The following SHANK2 variants were observed in gnomAD, a reference collection of about 807,000 sequenced individuals.
SHANK2 encodes the protein SH3 and multiple ankyrin repeat domains 2.
In SHANK2, 43 loss-of-function variants were observed where a neutral mutation model predicts 133.7. The ratio of observed to expected loss-of-function variants is 0.32; its 90% CI spans 0.25 to 0.41. The LOEUF (loss-of-function observed/expected upper bound fraction) is 0.41. SHANK2 is among the 10% of genes least tolerant of loss of function. The probability of loss-of-function intolerance (pLI) is 1.00; values close to 1 mark genes in which losing one functional copy is unlikely to be tolerated. For synonymous variants in SHANK2, 1,017 were observed against 952.8 expected, an observed-to-expected ratio of 1.07 and a Z score of -1.24; for missense variants, 1,994 against 2,235.8, an observed-to-expected ratio of 0.89 and a Z score of 2.18.
At chr11:71,146,228 G>A (rs1169991427) in intron 3 of SHANK2, among the ~76,000 whole-genome samples, 5 of 152,316 alleles carry the variant, frequency 3.3e-5, no homozygotes, top group Admixed American at 6.5e-5. Flanking sequence ...CACAGTCCCC[G>A]CCGTGAGCAA....
intron 17 of SHANK2, among the ~76,000 whole-genome samples, chr11:70,632,952 G>A (rs1445388356): frequency 6.6e-6 from 1 of 152,002 alleles, no homozygotes; most frequent in African/African-American, 2.4e-5. Context: ...CTTGCATGGA[G>A]CGTTGATGGA....
intron 2 of SHANK2, among the ~76,000 whole-genome samples, chr11:71,219,670 C>G (rs1385681213): frequency 2.0e-5 from 3 of 150,716 alleles, no homozygotes; most frequent in Non-Finnish European, 4.4e-5. Context: ...GTGGGCAGAT[C>G]AGCTGAGGTC....
At chr11:70,822,851 G>A (rs1351982487) in intron 11 of SHANK2, among the ~76,000 whole-genome samples, 1 of 104,356 alleles carries the variant, frequency 9.6e-6, no homozygotes, top group Non-Finnish European at 1.9e-5. Context: ...CAGAGGTGGC[G>A]TTGGCAGAGG....
At chr11:70,936,353 A>T (rs1253533480) in intron 10 of SHANK2, among the ~76,000 whole-genome samples, 1 of 152,064 alleles carries the variant, frequency 6.6e-6, no homozygotes, top group Non-Finnish European at 1.5e-5. Context: ...CTCTACTAAA[A>T]ATATAAAAAT....
intron 14 of SHANK2, among the ~76,000 whole-genome samples, chr11:70,727,973 G>C (rs1438330246): frequency 6.6e-6 from 1 of 152,254 alleles, no homozygotes; most frequent in East Asian, 1.9e-4. Flanking sequence ...ACATTTTTCA[G>C]AAGTTATTTA....
At chr11:70,498,394 G>C (rs1316439243) in intron 21 of SHANK2, among the ~76,000 whole-genome samples, 2 of 152,236 alleles carry the variant, frequency 1.3e-5, no homozygotes, top group Non-Finnish European at 2.9e-5. Flanking sequence ...CTTGGACCCT[G>C]GTGGACTGGT....
Position 70,804,015 on chromosome 11 carries a change from GC to G in SHANK2, c.1663+2986del, listed in dbSNP as rs1203499901. Among the ~76,000 whole-genome samples, 5 of 152,104 alleles carry G rather than the reference GC, an allele frequency of 3.3e-5. No homozygotes were observed. Among genetic ancestry groups the G allele is most frequent in the African/African-American group, 1.2e-4 (5 of 41,434 alleles). ...TAACCTTCTGAAAGAGCCAGGAGCAGCAGTGTTATCAGCAGGACCCCAGGGC... is the reference window on the plus strand; with the variant it reads ...TAACCTTCTGAAAGAGCCAGGAGCAGAGTGTTATCAGCAGGACCCCAGGGC... On this transcript the variant is annotated intron_variant, in intron 13 of 25. Coordinates refer to ENST00000601538, the MANE Select transcript of SHANK2 (RefSeq NM_012309.5). The surrounding 1 kb of genome is among the most constrained non-coding windows in gnomAD (Gnocchi z 4.1).
chr11:71,074,639 A>C (rs1025594985), intron 9 of SHANK2, among the ~76,000 whole-genome samples: 9 of 152,310 alleles, frequency 5.9e-5, no homozygotes, highest in Admixed American at 2.0e-4. Context: ...CAAGCTAGCA[A>C]AGTTTCATCT....
At chr11:70,754,103 C>T (rs1266085033) in intron 14 of SHANK2, among the ~76,000 whole-genome samples, 6 of 152,210 alleles carry the variant, frequency 3.9e-5, no homozygotes, top group Non-Finnish European at 4.4e-5. Flanking sequence ...TGAGCCACTA[C>T]GCCTGACAAT....
intron 17 of SHANK2, among the ~76,000 whole-genome samples, chr11:70,553,072 T>C (rs2059789943): frequency 6.6e-6 from 1 of 152,082 alleles, no homozygotes; most frequent in African/African-American, 2.4e-5. Flanking sequence ...CCCCCTCTAA[T>C]GGCCTCATTT....
chr11:71,204,474 C>A (rs7484116), intron 2 of SHANK2, among the ~76,000 whole-genome samples: 38,709 of 152,000 alleles, frequency 0.25, 5,848 homozygotes, highest in East Asian at 0.42. Context: ...GGGTGACAGG[C>A]TCCGACGGGA....
chr11:71,085,648 T>G (rs1340367903), intron 8 of SHANK2, among the ~76,000 whole-genome samples: 1 of 33,370 alleles, frequency 3.0e-5, no homozygotes, highest in Non-Finnish European at 6.3e-5. Flanking sequence ...TAATATATTA[T>G]GTTATATATT....
intron 2 of SHANK2, among the ~76,000 whole-genome samples, chr11:71,156,749 T>A (rs1555109162): frequency 6.6e-6 from 1 of 152,220 alleles, no homozygotes; most frequent in African/African-American, 2.4e-5. Context: ...GGGCTTTATA[T>A]GGCAGTGTCT....
intron 17 of SHANK2, among the ~76,000 whole-genome samples, chr11:70,507,487 A>C (rs782209188): frequency 1.3e-5 from 2 of 152,124 alleles, no homozygotes; most frequent in Non-Finnish European, 2.9e-5. Context: ...TTCTGCCCAG[A>C]ATCTTTCCCC....
chr11:70,788,927 C>T (rs566817085), intron 14 of SHANK2, among the ~76,000 whole-genome samples: 67 of 152,292 alleles, frequency 4.4e-4, no homozygotes, highest in South Asian at 8.3e-4. Flanking sequence ...CGGGTCCACA[C>T]GATCTGAAGG....
chr11:70,549,111 G>A (rs1554977183), intron 17 of SHANK2, among the ~76,000 whole-genome samples: 1 of 152,172 alleles, frequency 6.6e-6, no homozygotes, highest in Non-Finnish European at 1.5e-5. Flanking sequence ...AGCAGCCCCA[G>A]GAAATGGATT....
intron 17 of SHANK2, among the ~76,000 whole-genome samples, chr11:70,556,389 TTCTTTCTC>T (rs61140844): frequency 0.6 from 82,108 of 136,078 alleles, 23,041 homozygotes; most frequent in South Asian, 0.73. Context: ...GTCTCTTTCT[TTCTTTCTC>T]TCTCTCTCTC....
chr11:71,237,382 T>C (rs1283529147), intron 1 of SHANK2, among the ~76,000 whole-genome samples: 1 of 152,240 alleles, frequency 6.6e-6, no homozygotes, highest in Non-Finnish European at 1.5e-5. Flanking sequence ...TTCCCTCATG[T>C]ATTGCCTTTG....
intron 14 of SHANK2, among the ~76,000 whole-genome samples, chr11:70,716,258 C>T (rs1458345024): frequency 6.6e-6 from 1 of 152,114 alleles, no homozygotes; most frequent in Non-Finnish European, 1.5e-5. Flanking sequence ...ACACTGCTCC[C>T]GGCCAGGCTT....
Sources: gnomAD v4.1 joint callset for allele counts (sites outside exome capture counted in the v4.1 genomes callset) on GRCh38, gnomAD v4.1.1 for gene constraint, Gnocchi (gnomAD v3.1) non-coding constraint, MANE v1.5 for transcripts, NCBI Gene and HGNC (gene_info 2026-07-23, HGNC 2026-07-21) for gene names.